The following MTCP1 variants were observed in gnomAD, a reference collection of about 807,000 sequenced individuals.
The protein encoded by MTCP1 is protein p13 MTCP-1.
In MTCP1, 2 loss-of-function variants were observed where a neutral mutation model predicts 10.6. The observed-to-expected ratio is 0.19, with a 90% CI of 0.08 to 0.59. The LOEUF (loss-of-function observed/expected upper bound fraction) is 0.59. MTCP1 is among the 20% of genes least tolerant of loss of function. The pLI is 0.90. For synonymous variants in MTCP1, 29 were observed against 34.4 expected (o/e 0.84, Z 0.55); for missense variants, 33 against 91.5 (o/e 0.36, Z 2.61).
At chrX:155,067,477 A>G in intron 1 of MTCP1, among the ~76,000 whole-genome samples, 1 of 111,398 alleles carries the variant, frequency 9.0e-6, no homozygotes, top group Non-Finnish European at 1.9e-5. Flanking sequence ...CTTTCCCCAA[A>G]TACCAGGCTC....
chrX:155,070,520 G>T (rs1160517734), intron 1 of MTCP1, among the ~76,000 whole-genome samples, 174 bp downstream of exon 1: 1 of 111,639 alleles, frequency 9.0e-6, no homozygotes, highest in Non-Finnish European at 1.9e-5. Context: ...TTGCATTCTG[G>T]ATACCTAATG....
chrX:155,064,050 G>C lies in MTCP1; in HGVS notation c.*1354C>G, dbSNP rs1481266326. 1 of 1,164,644 alleles carries C rather than the reference G, an allele frequency of 8.6e-7. No homozygotes were observed. Among genetic ancestry groups the C allele is most frequent in the Admixed American group, 2.8e-5 (1 of 35,430 alleles). On this transcript the variant is annotated 3_prime_UTR_variant, in exon 5 of 5. Coordinates refer to ENST00000369476, the MANE Select transcript of MTCP1 (RefSeq NM_001018025.4). Reference sequence around the variant, plus strand: ...TCCAGAAAACTAAAACAAGAAAAATGATTTTTATTTTTCTTTTTTCCATAA... The same window carrying C: ...TCCAGAAAACTAAAACAAGAAAAATCATTTTTATTTTTCTTTTTTCCATAA...
intron 1 of MTCP1, among the ~76,000 whole-genome samples, chrX:155,069,052 G>A (rs1557292216): frequency 8.9e-6 from 1 of 112,667 alleles, no homozygotes; most frequent in East Asian, 2.8e-4. Flanking sequence ...GGCCAAGACA[G>A]ACAATTTCTT....
At chrX:155,068,770 C>G (rs1237495703) in intron 1 of MTCP1, among the ~76,000 whole-genome samples, 1 of 112,212 alleles carries the variant, frequency 8.9e-6, no homozygotes, top group Non-Finnish European at 1.9e-5. Flanking sequence ...ATTTATTTGA[C>G]TAGAGAACAT....
Position 155,068,706 on chromosome X carries a change from G to C in MTCP1, c.-48+1988C>G, listed in dbSNP as rs782272967. On this transcript the variant is annotated intron_variant, in intron 1 of 4. Coordinates refer to ENST00000369476, the MANE Select transcript of MTCP1 (RefSeq NM_001018025.4). ...GAGAGTCATAAAGCACATTAGTGTA[G>C]TAACTGTTCTGGCAAGTTATGCAGT... Among the ~76,000 whole-genome samples, 6 of 112,599 alleles carry C rather than the reference G, an allele frequency of 5.3e-5. No homozygotes were observed. In the Admixed American group the frequency reaches 5.6e-4, roughly 11 times the overall value.
rs1380089520 is a variant in MTCP1, at chrX:155,064,542, C to G, written c.*862G>C. 1 of 111,580 alleles carries G rather than the reference C, an allele frequency of 9.0e-6. No individual in the cohort carries two copies. Among genetic ancestry groups the G allele is most frequent in the East Asian group, 2.8e-4 (1 of 3,604 alleles). The allele number at this position is 111,580 out of a possible 1,213,427, so 9.2% of individuals were successfully genotyped here. A position where few individuals can be genotyped will look rare whatever the true frequency, so the allele number is the denominator to read the frequency against. On this transcript the variant is annotated 3_prime_UTR_variant, in exon 5 of 5. Coordinates refer to ENST00000369476, the MANE Select transcript of MTCP1 (RefSeq NM_001018025.4). ...AAGACTTTTTTTTTTAAAGTAAAAC[C>G]TTACTTTTAATGTATATAAACTGTT... is the stretch of plus-strand genomic sequence containing the variant.
In MTCP1 at chrX:155,066,033, T is replaced by C; in HGVS notation, c.-23A>G. On this transcript the variant is annotated 5_prime_UTR_variant, in exon 2 of 5. Coordinates refer to ENST00000369476, the MANE Select transcript of MTCP1 (RefSeq NM_001018025.4). ...CATTCTGGGCTTTGGGTTCCAATTC[T>C]AGCCCTGCTTTTCTCCACCTAAGCC... The C allele has an allele frequency of 8.6e-7, 1 of 1,157,679 alleles. No individual in the cohort carries two copies. Among genetic ancestry groups the C allele is most frequent in the Non-Finnish European group, 1.2e-6 (1 of 847,593 alleles).
chrX:155,065,647 C>T lies in MTCP1; in HGVS notation c.248G>A (p.Arg83His), dbSNP rs2124213337. 8.3e-7 allele frequency: 1 copy of T among 1,211,457 alleles called. No homozygotes were observed. The highest frequency in any genetic ancestry group is 1.1e-6 in the Non-Finnish European group (1 of 895,332). ...TAAATGATGCTGTATCTGCCACAAG[C>T]GAGAGTTGTTATCCATGTAGCGCTC... ...PEERYMDNNS[R>H]LWQIQHHLMV... is the part of the protein sequence containing the mutation. Residue 83 changes from arginine to histidine, a missense_variant, in exon 3 of 5, where the codon CGC becomes CAC. Transcript: ENST00000369476.
At chrX:155,065,591 A>G in intron 3 of MTCP1, 28 bp downstream of exon 3, 1 of 1,209,504 alleles carries the variant, frequency 8.3e-7, no homozygotes, top group East Asian at 3.0e-5. Context: ...TCCCAGTACA[A>G]TGGAAAATAA....
chrX:155,064,097 T>C lies in MTCP1; in HGVS notation c.*1307A>G, dbSNP rs1557291838. The C allele has an allele frequency of 1.1e-6, 1 of 914,067 alleles. No homozygotes were observed. The highest frequency in any genetic ancestry group is 1.5e-6 in the Non-Finnish European group (1 of 657,675). 75.3% of individuals were successfully genotyped at this position (914,067 alleles called of 1,213,427 possible). The stretch of plus-strand genomic sequence containing the variant: ...ATAAAGACTTTAAAGCCCCTCTACG[T>C]GGAATTTTCTTCTGAGACAAGCAGT... On this transcript the variant is annotated 3_prime_UTR_variant, in exon 5 of 5. Transcript: ENST00000369476.
chrX:155,065,711 TAAG>T lies in MTCP1; in HGVS notation c.181_183del (p.Leu61del). 1.7e-6 allele frequency: 2 copies of T among 1,210,446 alleles called. No individual in the cohort carries two copies. Among genetic ancestry groups the T allele is most frequent in the Non-Finnish European group, 1.1e-6 (1 of 894,961 alleles). ...TGCCACATGAGAGGTAGCTGGGAGG[TAAG>T]AAGGTGACTTGGCCTAGCTGCGTCA... On this transcript the variant is annotated inframe_deletion, in exon 3 of 5. Coordinates refer to ENST00000369476, the MANE Select transcript of MTCP1 (RefSeq NM_001018025.4).
At chrX:155,069,188 A>T (rs1369109947) in intron 1 of MTCP1, among the ~76,000 whole-genome samples, 1 of 112,944 alleles carries the variant, frequency 8.9e-6, no homozygotes, top group Non-Finnish European at 1.9e-5. Flanking sequence ...TGTCTTTTTT[A>T]AAAAAGTATA....
rs782069134 is a variant in MTCP1, at chrX:155,065,736, G to A, written c.159C>T (p.Asp53=). The change falls in exon 3 of 5, where the codon GAC becomes GAT. Residue 53 remains aspartate, a synonymous_variant. Coordinates refer to ENST00000369476, the MANE Select transcript of MTCP1 (RefSeq NM_001018025.4). ...TAAGAAGGTGACTTGGCCTAGCTGC[G>A]TCACCTAAGGGAACCTGAATTTGCT... ...RVQQIQVPLG[D]AARPSHLLTS... 1.7e-6 allele frequency: 2 copies of A among 1,211,244 alleles called. No individual in the cohort carries two copies. Among genetic ancestry groups the A allele is most frequent in the East Asian group, 5.9e-5 (2 of 33,846 alleles).
chrX:155,070,567 C>T (rs1557292385), intron 1 of MTCP1, 127 bp downstream of exon 1: 1 of 112,490 alleles, frequency 8.9e-6, no homozygotes, highest in Non-Finnish European at 1.9e-5. Context: ...TGAAGTTCTC[C>T]ATTTCCCCTT....
At chrX:155,067,508 G>C (rs1423844271) in intron 1 of MTCP1, among the ~76,000 whole-genome samples, 1 of 111,785 alleles carries the variant, frequency 8.9e-6, no homozygotes, top group Admixed American at 9.5e-5. Flanking sequence ...CCATACCCTT[G>C]CTCTTGTTTT....
At chrX:155,070,429 T>C (rs781845235) in intron 1 of MTCP1, among the ~76,000 whole-genome samples, 1 of 112,041 alleles carries the variant, frequency 8.9e-6, no homozygotes, top group African/African-American at 3.2e-5. Context: ...CTTGGCACGT[T>C]TGACATACCT....
chrX:155,067,164 C>T (rs2073952093), intron 1 of MTCP1, among the ~76,000 whole-genome samples: 1 of 111,554 alleles, frequency 9.0e-6, no homozygotes, highest in Non-Finnish European at 1.9e-5. Context: ...TGTTAGAGTC[C>T]TCAAAGTGAG....
chrX:155,068,055 A>G (rs985870214), intron 1 of MTCP1, among the ~76,000 whole-genome samples: 39 of 112,442 alleles, frequency 3.5e-4, no homozygotes, highest in African/African-American at 1.3e-3. Context: ...AATATATTAA[A>G]TTCGGATTTC....
At chrX:155,068,533 CAA>C (rs2073957468) in intron 1 of MTCP1, among the ~76,000 whole-genome samples, 1 of 112,163 alleles carries the variant, frequency 8.9e-6, no homozygotes, top group Admixed American at 9.4e-5. Context: ...TGAGCATGAA[CAA>C]AGTCCTCAGC....
Sources: allele counts gnomAD v4.1 joint callset (sites outside exome capture counted in the v4.1 genomes callset), GRCh38; gene constraint gnomAD v4.1.1; transcripts MANE v1.5; gene names NCBI Gene and HGNC (gene_info 2026-07-23, HGNC 2026-07-21).